PALLD: variants seen among roughly 807,000 people sequenced by gnomAD.
The protein encoded by PALLD is palladin, cytoskeletal associated protein, also known as palladin.
In PALLD, 61 loss-of-function variants were observed where a neutral mutation model predicts 123.5. That is an observed-to-expected ratio of 0.49 (90% CI 0.40 to 0.61). The LOEUF is 0.61. Ranked by LOEUF, PALLD falls within the 20% of genes least tolerant of loss-of-function variation. PALLD has a pLI of 0.00. For synonymous variants in PALLD, 465 were observed against 496.4 expected, an observed-to-expected ratio of 0.94 and a Z score of 0.84; for missense variants, 1,273 against 1,377.0, an observed-to-expected ratio of 0.92 and a Z score of 1.20.
chr4:168,883,334 T>G (rs1752890314), intron 10 of PALLD, among the ~76,000 whole-genome samples: 1 of 152,188 alleles, frequency 6.6e-6, no homozygotes, highest in Non-Finnish European at 1.5e-5. Context: ...TATTAATACA[T>G]TACATTCTTG....
intron 2 of PALLD, among the ~76,000 whole-genome samples, chr4:168,646,069 C>T (rs1777417618): frequency 2.0e-5 from 3 of 152,156 alleles, no homozygotes; most frequent in African/African-American, 7.2e-5. Flanking sequence ...ACTTCATCAC[C>T]AGGCGACAAA....
At chr4:168,640,969 G>T (rs1028938702) in intron 2 of PALLD, among the ~76,000 whole-genome samples, 1 of 152,212 alleles carries the variant, frequency 6.6e-6, no homozygotes, top group Admixed American at 6.5e-5. Context: ...AACACTTTGG[G>T]AGGTCGAGGT....
chr4:168,869,574 A>G lies in PALLD; in HGVS notation c.1965-21348A>G, dbSNP rs1478359779. The stretch of plus-strand genomic sequence containing the variant: ...CTCAAAATGGGTTTGGGGAACAATA[A>G]GAGTAACAAACTTAGAAGAATGAAA... On this transcript the variant is annotated intron_variant, in intron 10 of 21. Transcript: ENST00000505667. The surrounding 1 kb of genome is among the most constrained non-coding windows in gnomAD (Gnocchi z 4.5). Among the ~76,000 whole-genome samples, 1 of 152,220 alleles carries G rather than the reference A, an allele frequency of 6.6e-6. No individual in the cohort carries two copies. The highest frequency in any genetic ancestry group is 1.5e-5 in the Non-Finnish European group (1 of 68,036).
At chr4:168,620,811 T>C (rs939589761) in intron 2 of PALLD, among the ~76,000 whole-genome samples, 1 of 152,286 alleles carries the variant, frequency 6.6e-6, no homozygotes, top group African/African-American at 2.4e-5. Flanking sequence ...ACCTCAAAAT[T>C]AAGCCACACA....
At chr4:168,782,945 T>G (rs1736134926) in intron 10 of PALLD, among the ~76,000 whole-genome samples, 1 of 151,714 alleles carries the variant, frequency 6.6e-6, no homozygotes, top group African/African-American at 2.4e-5. Flanking sequence ...AAAACTTTTT[T>G]TACAAAAGCA....
intron 2 of PALLD, among the ~76,000 whole-genome samples, chr4:168,636,189 A>T (rs993496456): frequency 1.3e-5 from 2 of 152,186 alleles, no homozygotes; most frequent in East Asian, 3.9e-4. Context: ...CCTCAAACTC[A>T]GAACTTCTGC....
intron 10 of PALLD, among the ~76,000 whole-genome samples, chr4:168,808,419 G>A (rs934051341): frequency 6.6e-6 from 1 of 152,140 alleles, no homozygotes; most frequent in Non-Finnish European, 1.5e-5. Flanking sequence ...GGCAGAGGTT[G>A]CAGTGAGCCG....
chr4:168,898,189 G>A, intron 13 of PALLD: 1 of 421,834 alleles, frequency 2.4e-6, no homozygotes, highest in Non-Finnish European at 4.4e-6. Context: ...ACATAGCTTT[G>A]CTTTTGCCTT....
chr4:168,739,508 G>A (rs1230735586), intron 10 of PALLD, among the ~76,000 whole-genome samples: 2 of 152,192 alleles, frequency 1.3e-5, no homozygotes, highest in Non-Finnish European at 2.9e-5. Flanking sequence ...TAGCAGAATA[G>A]GGTGACCATA....
At chr4:168,864,685 T>G (rs1227755029) in intron 10 of PALLD, 2 of 150,720 alleles carry the variant, frequency 1.3e-5, no homozygotes, top group African/African-American at 4.8e-5. Context: ...AATCCAGATG[T>G]GGTGTGCAAC....
chr4:168,695,551 T>C (rs1014545362), intron 8 of PALLD, among the ~76,000 whole-genome samples: 1 of 152,190 alleles, frequency 6.6e-6, no homozygotes, highest in Non-Finnish European at 1.5e-5. Context: ...CTCCATTCTT[T>C]TCTATGACAT....
chr4:168,622,613 C>CCTAA (rs1300946977), intron 2 of PALLD, among the ~76,000 whole-genome samples: 1 of 152,162 alleles, frequency 6.6e-6, no homozygotes, highest in African/African-American at 2.4e-5. Flanking sequence ...TCTCCCTGTC[C>CCTAA]CTAAGCCCAA....
chr4:168,889,619 C>T (rs770330460), intron 10 of PALLD, among the ~76,000 whole-genome samples: 1 of 152,132 alleles, frequency 6.6e-6, no homozygotes, highest in Non-Finnish European at 1.5e-5. Flanking sequence ...CAATTGCATC[C>T]ACTACTCTCC....
rs953068622 is a variant in PALLD, at chr4:168,867,920, GA to G, written c.1965-22992del. ...TTAAGTGAAGAGAAAAAAAAAAAAA[GA>G]AAAAAAAAATTCTGAGATAAAACTG... On this transcript the variant is annotated intron_variant, in intron 10 of 21. Coordinates refer to ENST00000505667, the MANE Select transcript of PALLD (RefSeq NM_001166108.2). Among the ~76,000 whole-genome samples the G allele has an allele frequency of 2.6e-3, 383 of 147,316 alleles. 6 individuals are homozygous for G. The highest frequency in any genetic ancestry group is 1.7e-3 in the South Asian group (8 of 4,584).
At chr4:168,816,667 G>A (rs1742000781) in intron 10 of PALLD, among the ~76,000 whole-genome samples, 2 of 152,182 alleles carry the variant, frequency 1.3e-5, no homozygotes, top group East Asian at 1.9e-4. Context: ...GACTTCCAGT[G>A]ATGCAACATA....
rs187404166 is a variant in PALLD, at chr4:168,690,621, G to A, written c.1354G>A (p.Val452Met). ...VFTKELQNTAVAEGQVVVLEC... is the reference protein window; with the variant it reads ...VFTKELQNTAMAEGQVVVLEC... Reference sequence around the variant, plus strand: ...ATTTCAGGAACTGCAAAACACAGCCGTGGCGGAAGGCCAGGTGGTGGTTCT... The same window carrying A: ...ATTTCAGGAACTGCAAAACACAGCCATGGCGGAAGGCCAGGTGGTGGTTCT... The change falls in exon 7 of 22, where the codon GTG (valine) becomes ATG (methionine). Residue 452 changes from valine to methionine, a missense_variant. By Grantham distance (21) the Val-to-Met change is conservative. Coordinates refer to ENST00000505667, the MANE Select transcript of PALLD (RefSeq NM_001166108.2). The A allele has an allele frequency of 2.3e-5, 37 of 1,614,180 alleles. No homozygotes were observed. In the East Asian group the frequency reaches 3.1e-4, roughly 14 times the overall value.
In PALLD at chr4:168,518,579, G is replaced by C. The variant is rs967285818; in HGVS notation, c.908+6167G>C. On this transcript the variant is annotated intron_variant, in intron 2 of 21. Coordinates refer to ENST00000505667, the MANE Select transcript of PALLD (RefSeq NM_001166108.2). ...TGTGTACTTTCTGCTCCCTCTGTTT[G>C]TAAATCTCTCTCCCCAGATATCTGC... Among the ~76,000 whole-genome samples, 52 of 152,108 alleles carry C rather than the reference G, an allele frequency of 3.4e-4. No homozygotes were observed. The Middle Eastern group carries it at 0.01, about 30-fold the overall frequency.
chr4:168,876,810 TCTGTTGAA>T (rs535297593), intron 10 of PALLD, among the ~76,000 whole-genome samples: 36 of 152,230 alleles, frequency 2.4e-4, no homozygotes, highest in Non-Finnish European at 4.7e-4. Context: ...AGTGCCGCCT[TCTGTTGAA>T]GTTTCTTTTG....
intron 10 of PALLD, among the ~76,000 whole-genome samples, chr4:168,855,716 C>T (rs994341065): frequency 6.6e-6 from 1 of 152,186 alleles, no homozygotes; most frequent in African/African-American, 2.4e-5. Flanking sequence ...CATTTGGACA[C>T]TGAATTATTT....
Sources: gnomAD v4.1 joint callset for allele counts (sites outside exome capture counted in the v4.1 genomes callset) on GRCh38, gnomAD v4.1.1 for gene constraint, Gnocchi (gnomAD v3.1) non-coding constraint, MANE v1.5 for transcripts, NCBI Gene and HGNC (gene_info 2026-07-23, HGNC 2026-07-21) for gene names.